HDHD2: variants seen among roughly 807,000 people sequenced by gnomAD.
The protein encoded by HDHD2 is haloacid dehalogenase-like hydrolase domain-containing protein 2.
In HDHD2, 26 loss-of-function variants were observed where a neutral mutation model predicts 24.8. That is an observed-to-expected ratio of 1.05 (90% CI 0.77 to 1.45). The LOEUF (loss-of-function observed/expected upper bound fraction) is 1.45, where lower values mean the gene tolerates loss of function less well. HDHD2 is among the 40% of genes most tolerant of loss of function. The pLI, the probability that HDHD2 is intolerant of heterozygous loss-of-function variation, is 0.00. For missense variants in HDHD2, 299 were observed against 313.4 expected, an observed-to-expected ratio of 0.95 and a Z score of 0.35; for synonymous variants, 128 against 114.9, an observed-to-expected ratio of 1.11 and a Z score of -0.73.
At chr18:47,141,635 T>C (rs578050720) in intron 1 of HDHD2, among the ~76,000 whole-genome samples, 2 of 147,640 alleles carry the variant, frequency 1.4e-5, no homozygotes, top group South Asian at 2.2e-4. Flanking sequence ...CATAAGCTAA[T>C]ACTATGTCAT....
At chr18:47,130,771 T>C (rs1248539069) in intron 3 of HDHD2, among the ~76,000 whole-genome samples, 1 of 152,216 alleles carries the variant, frequency 6.6e-6, no homozygotes, top group Non-Finnish European at 1.5e-5. Flanking sequence ...AATTAGACTT[T>C]CTAATTGACA....
intron 6 of HDHD2, chr18:47,111,243 A>G: frequency 1.0e-6 from 1 of 985,366 alleles, no homozygotes; most frequent in Non-Finnish European, 1.2e-6. Context: ...AAGGCTGGTC[A>G]CAATAAAATG....
rs376294646 is a variant in HDHD2 at position 47,136,324 on chromosome 18, T to C, written c.101+15A>G. On this transcript the variant is annotated intron_variant, in intron 2 of 6. Coordinates refer to ENST00000300605, the MANE Select transcript of HDHD2 (RefSeq NM_032124.5). ...TACAAACATATTTGTCAGCTGAACC[T>C]GGAGGATAGCTTGCCTTTTAAGAGC... 4 of 1,613,522 alleles carry C rather than the reference T, an allele frequency of 2.5e-6. No individual in the cohort carries two copies. In the African/African-American group the frequency reaches 5.3e-5, roughly 22 times the overall value.
Position 47,108,376 on chromosome 18 carries a change from C to T in HDHD2, c.*306G>A, listed in dbSNP as rs553916688. On this transcript the variant is annotated 3_prime_UTR_variant, in exon 7 of 7. Coordinates refer to ENST00000300605, the MANE Select transcript of HDHD2 (RefSeq NM_032124.5). ...CAGTGAAGAGACAGCAGAGAACACT[C>T]TTCCCTGTAGTAGCTTTTCCCCCAC... is the stretch of plus-strand genomic sequence containing the variant. 2 of 244,574 alleles carry T rather than the reference C, an allele frequency of 8.2e-6. No homozygotes were observed. Among genetic ancestry groups the T allele is most frequent in the African/African-American group, 4.5e-5 (2 of 44,826 alleles). The allele number at this position is 244,574 out of a possible 1,614,324, so 15.2% of individuals were successfully genotyped here.
At chr18:47,147,767 G>A (rs1481776465) in intron 1 of HDHD2, among the ~76,000 whole-genome samples, 4 of 152,048 alleles carry the variant, frequency 2.6e-5, no homozygotes, top group Non-Finnish European at 4.4e-5. Flanking sequence ...CATTTTAAAA[G>A]CCTATATTCT....
intron 4 of HDHD2, among the ~76,000 whole-genome samples, chr18:47,118,785 A>C (rs1300326141): frequency 1.3e-5 from 2 of 152,246 alleles, no homozygotes; most frequent in Non-Finnish European, 2.9e-5. Context: ...AGGAACATCA[A>C]GTCCAACATG....
chr18:47,139,098 C>T (rs1292573227), intron 1 of HDHD2, among the ~76,000 whole-genome samples: 1 of 152,114 alleles, frequency 6.6e-6, no homozygotes. Flanking sequence ...GAAGCTCTCA[C>T]TGGGGACTCT....
At chr18:47,130,744 A>G (rs1426487299) in intron 3 of HDHD2, among the ~76,000 whole-genome samples, 1 of 152,180 alleles carries the variant, frequency 6.6e-6, no homozygotes, top group Admixed American at 6.5e-5. Context: ...GGGACTGAGA[A>G]TCTAAGAGGC....
intron 3 of HDHD2, among the ~76,000 whole-genome samples, chr18:47,132,175 T>C (rs2063719388): frequency 6.6e-6 from 1 of 152,214 alleles, no homozygotes; most frequent in Non-Finnish European, 1.5e-5. Flanking sequence ...TTTCTTCTCA[T>C]TTTCCTATAC....
intron 1 of HDHD2, chr18:47,137,192 A>C: frequency 1.5e-6 from 1 of 684,026 alleles, no homozygotes; most frequent in Admixed American, 1.8e-5. Flanking sequence ...GAGGCAGATG[A>C]GATTCCAATT....
chr18:47,143,250 G>A (rs761759807), intron 1 of HDHD2, among the ~76,000 whole-genome samples: 2 of 152,070 alleles, frequency 1.3e-5, no homozygotes, highest in African/African-American at 4.8e-5. Context: ...CCAGGAGTTC[G>A]AGACCAGCCT....
chr18:47,148,152 A>C (rs2063892310), intron 1 of HDHD2, among the ~76,000 whole-genome samples: 1 of 151,848 alleles, frequency 6.6e-6, no homozygotes, highest in Admixed American at 6.6e-5. Flanking sequence ...CACCACGCCC[A>C]CCTAATTTTT....
At chr18:47,140,344 A>G (rs1253305092) in intron 1 of HDHD2, among the ~76,000 whole-genome samples, 3 of 152,244 alleles carry the variant, frequency 2.0e-5, no homozygotes, top group African/African-American at 4.8e-5. Flanking sequence ...CTCCATTCAC[A>G]TAATTTTTTT....
At chr18:47,148,444 G>T (rs958017189) in intron 1 of HDHD2, among the ~76,000 whole-genome samples, 1 of 152,112 alleles carries the variant, frequency 6.6e-6, no homozygotes, top group African/African-American at 2.4e-5. Context: ...TCCCATAATC[G>T]GAACAAATTA....
intron 2 of HDHD2, among the ~76,000 whole-genome samples, chr18:47,135,258 CTTTTTTTTT>C (rs904719955): frequency 4.7e-5 from 6 of 128,330 alleles, no homozygotes; most frequent in Admixed American, 7.9e-5. Context: ...TAGATTTTTT[CTTTTTTTTT>C]TTTTTTTTTT....
intron 4 of HDHD2, among the ~76,000 whole-genome samples, chr18:47,120,292 G>A (rs1315374815): frequency 6.6e-6 from 1 of 152,182 alleles, no homozygotes; most frequent in African/African-American, 2.4e-5. Context: ...CTAGATCTCT[G>A]GATAACATGC....
chr18:47,122,084 C>A (rs2063612649), intron 4 of HDHD2, among the ~76,000 whole-genome samples: 4 of 152,030 alleles, frequency 2.6e-5, no homozygotes, highest in African/African-American at 9.7e-5. Flanking sequence ...TCCATAATGC[C>A]CATCAGTTGT....
rs2063485079 is a variant in HDHD2, at chr18:47,107,578, G to T, written c.*1104C>A. On this transcript the variant is annotated 3_prime_UTR_variant, in exon 7 of 7. Coordinates refer to ENST00000300605, the MANE Select transcript of HDHD2 (RefSeq NM_032124.5). ...TAATTCAATGCCCAAGAGCCCTGTA[G>T]AACTATTGCAAGGCCCAGGATTATC... is the stretch of plus-strand genomic sequence containing the variant. The T allele has an allele frequency of 6.6e-6, 1 of 152,484 alleles. No individual in the cohort carries two copies. The highest frequency in any genetic ancestry group is 1.9e-4 in the East Asian group (1 of 5,204). 9.4% of individuals were successfully genotyped at this position (152,484 alleles called of 1,614,324 possible). A position where few individuals can be genotyped will look rare whatever the true frequency, so the allele number is the denominator to read the frequency against.
chr18:47,138,239 A>T (rs1335298802), intron 1 of HDHD2, among the ~76,000 whole-genome samples: 1 of 151,770 alleles, frequency 6.6e-6, no homozygotes, highest in Non-Finnish European at 1.5e-5. Context: ...GATACACCTT[A>T]AATCAAATGA....
Sources: allele counts gnomAD v4.1 joint callset (sites outside exome capture counted in the v4.1 genomes callset), GRCh38; gene constraint gnomAD v4.1.1; transcripts MANE v1.5; gene names NCBI Gene and HGNC (gene_info 2026-07-23, HGNC 2026-07-21).